Variants in PRR7 observed in about 807,000 individuals in gnomAD.
PRR7 encodes the protein proline-rich protein 7.
In PRR7, 8 loss-of-function variants were observed where a neutral mutation model predicts 18.5. The observed-to-expected ratio is 0.43, with a 90% CI of 0.25 to 0.78. The LOEUF is 0.78. PRR7 is among the 30% of genes least tolerant of loss of function. The pLI is 0.22. For missense variants in PRR7, 396 were observed against 403.1 expected, an observed-to-expected ratio of 0.98 and a Z score of 0.15; for synonymous variants, 221 against 187.7, an observed-to-expected ratio of 1.18 and a Z score of -1.45.
chr5:177,455,162 G>T lies in PRR7; in HGVS notation c.95G>T (p.Ser32Ile). Reference protein sequence around the residue: ...GLIVLLCCFCSFLRRRLKRRQ... With the variant: ...GLIVLLCCFCIFLRRRLKRRQ... ...ATCGTCCTGCTCTGCTGCTTCTGCA[G>T]CTTCCTGCGCCGCCGCCTCAAACGG... The change falls in exon 3 of 4, where the codon AGC becomes ATC. Residue 32 changes from serine to isoleucine, a missense_variant. By Grantham distance (142) the Ser-to-Ile change is moderately radical. Transcript: ENST00000323249. This position sits in a 1 kb window ranked among gnomAD's most constrained non-coding sequence, Gnocchi z 6.9. 6.3e-7 allele frequency: 1 copy of T among 1,576,046 alleles called. No homozygotes were observed.
At position 177,449,694 on chromosome 5, in the gene PRR7, G is replaced by A. The variant is rs1756095472; in HGVS notation, c.-325+2734G>A. ...CCGGAGCTGAGCGCAGTAGACACTG[G>A]CCTGAGGGAGGGCTCTCCACCTACA... On this transcript the variant is annotated intron_variant, in intron 1 of 3. Transcript: ENST00000323249. This position sits in a 1 kb window ranked among gnomAD's most constrained non-coding sequence, Gnocchi z 4.2. Among the ~76,000 whole-genome samples, 1 of 152,120 alleles carries A rather than the reference G, an allele frequency of 6.6e-6. No homozygotes were observed. Among genetic ancestry groups the A allele is most frequent in the Non-Finnish European group, 1.5e-5 (1 of 68,012 alleles).
At chr5:177,448,650 T>C (rs773060666) in intron 1 of PRR7, among the ~76,000 whole-genome samples, 12 of 152,222 alleles carry the variant, frequency 7.9e-5, no homozygotes, top group Non-Finnish European at 1.6e-4. Flanking sequence ...CGGGTCTTGG[T>C]ACATTTTTCC....
In PRR7 at chr5:177,455,806, C is replaced by T; in HGVS notation, c.510C>T (p.Leu170=). Residue 170 remains leucine (L), a synonymous_variant, in exon 4 of 4, where the codon CTC becomes CTT. Transcript: ENST00000323249. The surrounding 1 kb of genome is among the most constrained non-coding windows in gnomAD (Gnocchi z 6.9). ...AEPPPPYSEV[L]TDTRGLYRKI... ...CGCCGCCGCCCTATAGCGAGGTGCTCACGGACACGCGCGGCCTCTACCGCA... is the reference window on the plus strand; with the variant it reads ...CGCCGCCGCCCTATAGCGAGGTGCTTACGGACACGCGCGGCCTCTACCGCA... 1 of 1,611,942 alleles carries T rather than the reference C, an allele frequency of 6.2e-7. No homozygotes were observed. The highest frequency in any genetic ancestry group is 1.1e-5 in the South Asian group (1 of 91,016).
rs1756063357 is a variant in PRR7 at position 177,449,156 on chromosome 5, T to C, written c.-325+2196T>C. ...CAATTAATCAGAATGTTTTTAAAAATGGATTGTGAACATGGATTGTTTTTA... is the reference window on the plus strand; with the variant it reads ...CAATTAATCAGAATGTTTTTAAAAACGGATTGTGAACATGGATTGTTTTTA... On this transcript the variant is annotated intron_variant, in intron 1 of 3. Coordinates refer to ENST00000323249, the MANE Select transcript of PRR7 (RefSeq NM_030567.5). This position sits in a 1 kb window ranked among gnomAD's most constrained non-coding sequence, Gnocchi z 4.2. Among the ~76,000 whole-genome samples, 1 of 152,244 alleles carries C rather than the reference T, an allele frequency of 6.6e-6. No individual in the cohort carries two copies. The highest frequency in any genetic ancestry group is 2.1e-4 in the South Asian group (1 of 4,838).
In PRR7 at chr5:177,455,851, G is replaced by A. The variant is rs1170332918; in HGVS notation, c.555G>A (p.Leu185=). 1 of 1,612,006 alleles carries A rather than the reference G, an allele frequency of 6.2e-7. No homozygotes were observed. Among genetic ancestry groups the A allele is most frequent in the Non-Finnish European group, 8.5e-7 (1 of 1,179,738 alleles). Residue 185 remains leucine, a synonymous_variant, in exon 4 of 4, where the codon CTG becomes CTA. Transcript: ENST00000323249. The surrounding 1 kb of genome is among the most constrained non-coding windows in gnomAD (Gnocchi z 6.9). Reference sequence around the variant, plus strand: ...ACCGCAAGATCGTCACGCCCTTCCTGAGTCGCCGCGACAGCGCGGAGAAGC... The same window carrying A: ...ACCGCAAGATCGTCACGCCCTTCCTAAGTCGCCGCGACAGCGCGGAGAAGC... ...GLYRKIVTPF[L]SRRDSAEKQE... is the part of the protein sequence containing the mutation.
At position 177,449,009 on chromosome 5, in the gene PRR7, G is replaced by A. The variant is rs927887259; in HGVS notation, c.-325+2049G>A. Reference sequence around the variant, plus strand: ...AATGAGTGAGGCGGGCCAGGGAGCCGCTCAGCTCCAATCTTTGTCACTGTG... The same window carrying A: ...AATGAGTGAGGCGGGCCAGGGAGCCACTCAGCTCCAATCTTTGTCACTGTG... On this transcript the variant is annotated intron_variant, in intron 1 of 3. Coordinates refer to ENST00000323249, the MANE Select transcript of PRR7 (RefSeq NM_030567.5). This position sits in a 1 kb window ranked among gnomAD's most constrained non-coding sequence, Gnocchi z 4.2. Among the ~76,000 whole-genome samples the A allele has an allele frequency of 4.6e-5, 7 of 152,212 alleles. No homozygotes were observed. Among genetic ancestry groups the A allele is most frequent in the South Asian group, 4.1e-4 (2 of 4,832 alleles).
chr5:177,450,885 G>A lies in PRR7; in HGVS notation c.-324-3071G>A, dbSNP rs1369021580. Among the ~76,000 whole-genome samples, 1 of 152,216 alleles carries A rather than the reference G, an allele frequency of 6.6e-6. No individual in the cohort carries two copies. Among genetic ancestry groups the A allele is most frequent in the East Asian group, 1.9e-4 (1 of 5,202 alleles). On this transcript the variant is annotated intron_variant, in intron 1 of 3. Coordinates refer to ENST00000323249, the MANE Select transcript of PRR7 (RefSeq NM_030567.5). The surrounding 1 kb of genome is among the most constrained non-coding windows in gnomAD (Gnocchi z 6.6). ...AGCACTGTTTTAACAGCCTCCACGTGGTTCTGTTGCCTGCTTAAATTTGAG... is the reference window on the plus strand; with the variant it reads ...AGCACTGTTTTAACAGCCTCCACGTAGTTCTGTTGCCTGCTTAAATTTGAG...
Position 177,456,037 on chromosome 5 carries a change from G to A in PRR7, c.741G>A (p.Glu247=), listed in dbSNP as rs960306205. The A allele has an allele frequency of 2.5e-6, 4 of 1,576,846 alleles. No individual in the cohort carries two copies. The highest frequency in any genetic ancestry group is 1.3e-5 in the African/African-American group (1 of 74,252). Residue 247 remains glutamate (E), a synonymous_variant, in exon 4 of 4, where the codon GAG becomes GAA. Transcript: ENST00000323249. The stretch of plus-strand genomic sequence containing the variant: ...TCTTCCCCAGCTGGACCGACTCAGA[G>A]CTCAGCAGCCGCGAGCCCCTGGAGC... ...RRVFPSWTDS[E]LSSREPLEHG... is the part of the protein sequence containing the mutation.
Position 177,450,592 on chromosome 5 carries a change from G to C in PRR7, c.-324-3364G>C, listed in dbSNP as rs1756134442. 6.6e-6 allele frequency among the ~76,000 whole-genome samples: 1 copy of C among 152,178 alleles called. No individual in the cohort carries two copies. Among genetic ancestry groups the C allele is most frequent in the Non-Finnish European group, 1.5e-5 (1 of 68,038 alleles). On this transcript the variant is annotated intron_variant, in intron 1 of 3. Transcript: ENST00000323249. This position sits in a 1 kb window ranked among gnomAD's most constrained non-coding sequence, Gnocchi z 6.6. The stretch of plus-strand genomic sequence containing the variant: ...AGGTGGTTCTTGAGCCAATTACTGG[G>C]TGCCAGCTGGTAAGGCCGATGGTGC...
rs1200331441 is a variant in PRR7, at chr5:177,450,041, A to G, written c.-325+3081A>G. 1.3e-5 allele frequency among the ~76,000 whole-genome samples: 2 copies of G among 152,106 alleles called. No homozygotes were observed. Among genetic ancestry groups the G allele is most frequent in the African/African-American group, 2.4e-5 (1 of 41,406 alleles). The stretch of plus-strand genomic sequence containing the variant: ...CACCCGGGCTTCACACCACCTGGCT[A>G]TGGAGACCTGAGCTGGACCCACTCC... On this transcript the variant is annotated intron_variant, in intron 1 of 3. Coordinates refer to ENST00000323249, the MANE Select transcript of PRR7 (RefSeq NM_030567.5). This position sits in a 1 kb window ranked among gnomAD's most constrained non-coding sequence, Gnocchi z 6.6.
chr5:177,453,162 G>A (rs1581704327), intron 1 of PRR7, among the ~76,000 whole-genome samples: 1 of 152,218 alleles, frequency 6.6e-6, no homozygotes, highest in East Asian at 1.9e-4. Flanking sequence ...AGAGGATTCT[G>A]CGTGGTCCTT....
At position 177,449,072 on chromosome 5, in the gene PRR7, T is replaced by G. The variant is rs184432726; in HGVS notation, c.-325+2112T>G. ...TTGGTATGACCTGACTGTCCAATTTTCAAGATGAACCAGAAATCCAGACCT... is the reference window on the plus strand; with the variant it reads ...TTGGTATGACCTGACTGTCCAATTTGCAAGATGAACCAGAAATCCAGACCT... On this transcript the variant is annotated intron_variant, in intron 1 of 3. Coordinates refer to ENST00000323249, the MANE Select transcript of PRR7 (RefSeq NM_030567.5). This position sits in a 1 kb window ranked among gnomAD's most constrained non-coding sequence, Gnocchi z 4.2. 6.6e-6 allele frequency among the ~76,000 whole-genome samples: 1 copy of G among 152,380 alleles called. No individual in the cohort carries two copies. The highest frequency in any genetic ancestry group is 1.9e-4 in the East Asian group (1 of 5,196).
chr5:177,453,498 T>C (rs1351064969), intron 1 of PRR7, among the ~76,000 whole-genome samples: 1 of 152,188 alleles, frequency 6.6e-6, no homozygotes, highest in African/African-American at 2.4e-5. Context: ...AAGTGGCACG[T>C]GGCTGAAGGC....
In PRR7 at chr5:177,455,685, C is replaced by A. The variant is rs911396580; in HGVS notation, c.428-39C>A. 3.3e-6 allele frequency: 5 copies of A among 1,510,428 alleles called. No homozygotes were observed. The East Asian group carries it at 1.2e-4, about 37-fold the overall frequency. The allele number at this position is 1,510,428 out of a possible 1,614,324, so 93.6% of individuals were successfully genotyped here. On this transcript the variant is annotated intron_variant, in intron 3 of 3. Transcript: ENST00000323249. This position sits in a 1 kb window ranked among gnomAD's most constrained non-coding sequence, Gnocchi z 6.9. ...GGGGCCTCTGCGAGAGGCTGGGAAC[C>A]GGCGGCCTCACCTCCTCCGACCGCC...
Position 177,454,320 on chromosome 5 carries a change from G to T in PRR7, c.-240+280G>T. Among the ~76,000 whole-genome samples the T allele has an allele frequency of 6.6e-6, 1 of 152,234 alleles. No homozygotes were observed. The highest frequency in any genetic ancestry group is 1.5e-5 in the Non-Finnish European group (1 of 68,034). On this transcript the variant is annotated intron_variant, in intron 2 of 3. Transcript: ENST00000323249. This position sits in a 1 kb window ranked among gnomAD's most constrained non-coding sequence, Gnocchi z 4.7. ...GAGCCCCCCTACGGGAGCGGCGGGA[G>T]ACCCGGAGGGCGCGGTGCGGAGCCA...
chr5:177,447,422 C>T (rs996959916), intron 1 of PRR7, among the ~76,000 whole-genome samples: 5 of 152,140 alleles, frequency 3.3e-5, no homozygotes, highest in Non-Finnish European at 5.9e-5. Flanking sequence ...GAGCTGGCTC[C>T]CACGTGGCTG....
chr5:177,448,931 C>G (rs1756045969), intron 1 of PRR7, among the ~76,000 whole-genome samples: 1 of 152,190 alleles, frequency 6.6e-6, no homozygotes, highest in African/African-American at 2.4e-5. Context: ...GGTGCTCAGT[C>G]TAGCTCCAGG....
Position 177,450,528 on chromosome 5 carries a change from G to A in PRR7, c.-324-3428G>A, listed in dbSNP as rs1446329897. ...TACTCCCCCGGTCCCACAGCTAAAA[G>A]ACCAACCAGGTAACGAGCCCTCCAG... On this transcript the variant is annotated intron_variant, in intron 1 of 3. Coordinates refer to ENST00000323249, the MANE Select transcript of PRR7 (RefSeq NM_030567.5). This position sits in a 1 kb window ranked among gnomAD's most constrained non-coding sequence, Gnocchi z 6.6. Among the ~76,000 whole-genome samples, 1 of 152,210 alleles carries A rather than the reference G, an allele frequency of 6.6e-6. No homozygotes were observed. Among genetic ancestry groups the A allele is most frequent in the Non-Finnish European group, 1.5e-5 (1 of 68,026 alleles).
upstream of PRR7, chr5:177,446,287 A>G (rs2127385140): frequency 6.6e-6 from 1 of 152,248 alleles, no homozygotes. The surrounding 1 kb of genome is among the most constrained non-coding windows in gnomAD (Gnocchi z 5.3). Flanking sequence ...GTTCGGCACT[A>G]GGTCCTCCTC....
Sources: gnomAD v4.1 joint callset for allele counts (sites outside exome capture counted in the v4.1 genomes callset) on GRCh38, gnomAD v4.1.1 for gene constraint, Gnocchi (gnomAD v3.1) non-coding constraint, MANE v1.5 for transcripts, NCBI Gene and HGNC (gene_info 2026-07-23, HGNC 2026-07-21) for gene names.